HERC3: variants seen among roughly 807,000 people sequenced by gnomAD.
The protein encoded by HERC3 is probable E3 ubiquitin-protein ligase HERC3.
A neutral mutation model predicts 129.9 loss-of-function variants in HERC3; 58 were observed. The ratio of observed to expected loss-of-function variants is 0.45; its 90% CI spans 0.36 to 0.56. The LOEUF (loss-of-function observed/expected upper bound fraction) is 0.56, where lower values mean the gene tolerates loss of function less well. Ranked by LOEUF, HERC3 falls within the 20% of genes least tolerant of loss-of-function variation. The pLI is 0.00. For missense variants in HERC3, 835 were observed against 1,244.2 expected, an observed-to-expected ratio of 0.67 and a Z score of 4.95; for synonymous variants, 430 against 451.0, an observed-to-expected ratio of 0.95 and a Z score of 0.59.
At chr4:88,617,374 AAAAC>A (rs1482921219) in intron 3 of HERC3, among the ~76,000 whole-genome samples, 2 of 152,178 alleles carry the variant, frequency 1.3e-5, no homozygotes, top group African/African-American at 4.8e-5. Context: ...AACAACAACA[AAAAC>A]AAACAAAATC....
rs1729347372 is a variant in HERC3 at position 88,652,083 on chromosome 4, C to T, written c.458C>T (p.Ala153Val). The change falls in exon 5 of 26, where the codon GCG becomes GTG. Residue 153 changes from alanine (A) to valine (V), a missense_variant. Transcript: ENST00000402738. ...SCGNWHCLAL[A>V]ADGQFFTWGK... Reference sequence around the variant, plus strand: ...GGCAACTGGCATTGCTTGGCTCTTGCGGCTGGTAAAGTAACATTAAACATA... The same window carrying T: ...GGCAACTGGCATTGCTTGGCTCTTGTGGCTGGTAAAGTAACATTAAACATA... 4 of 1,607,964 alleles carry T rather than the reference C, an allele frequency of 2.5e-6. No homozygotes were observed. The highest frequency in any genetic ancestry group is 1.3e-5 in the African/African-American group (1 of 74,788).
the HERC3 span, among the ~76,000 whole-genome samples, chr4:88,537,516 T>C: frequency 1.3e-5 from 2 of 152,222 alleles, no homozygotes; most frequent in African/African-American, 4.8e-5. Context: ...GAATTATTAC[T>C]GGTTATGCTA....
intron 23 of HERC3, chr4:88,693,399 C>T (rs1244768612): frequency 4.1e-6 from 4 of 972,734 alleles, no homozygotes; most frequent in Non-Finnish European, 4.9e-6. Flanking sequence ...TCATTATCAC[C>T]ATTTCATCCA....
chr4:88,606,140 A>G, intron 3 of HERC3, 91 bp downstream of exon 3: 1 of 1,018,338 alleles, frequency 9.8e-7, no homozygotes, highest in Non-Finnish European at 1.4e-6. Flanking sequence ...TTCTCCACCA[A>G]GTGTTCGGTT....
chr4:88,647,137 G>C (rs559906510), intron 3 of HERC3, among the ~76,000 whole-genome samples: 1 of 152,264 alleles, frequency 6.6e-6, no homozygotes, highest in South Asian at 2.1e-4. Context: ...TGACGTGACT[G>C]GGAGTCAATG....
intron 16 of HERC3, among the ~76,000 whole-genome samples, chr4:88,675,289 G>A (rs2149308694): frequency 6.6e-6 from 1 of 152,202 alleles, no homozygotes; most frequent in East Asian, 1.9e-4. Flanking sequence ...GCATCCACAT[G>A]CCAAGACTGC....
the HERC3 span, among the ~76,000 whole-genome samples, chr4:88,533,516 A>G: frequency 5.2e-4 from 79 of 152,304 alleles, no homozygotes; most frequent in East Asian, 0.011. Flanking sequence ...GAGTAATTTG[A>G]TGCTACTCAT....
chr4:88,625,898 A>C (rs1726047357), intron 3 of HERC3, among the ~76,000 whole-genome samples: 1 of 152,096 alleles, frequency 6.6e-6, no homozygotes. Flanking sequence ...AACCTTTTGC[A>C]GTGATTGTGT....
In HERC3 at chr4:88,656,020, C is replaced by T. The variant is rs772474731; in HGVS notation, c.1054C>T (p.Leu352Phe). 6.2e-7 allele frequency: 1 copy of T among 1,614,026 alleles called. No homozygotes were observed. Among genetic ancestry groups the T allele is most frequent in the South Asian group, 1.1e-5 (1 of 91,066 alleles). Residue 352 changes from leucine (L) to phenylalanine (F), a missense_variant, in exon 9 of 26, where the codon CTT becomes TTT. Coordinates refer to ENST00000402738, the MANE Select transcript of HERC3 (RefSeq NM_014606.3). ...TTACTGGGCTGCCCACAGTGGCCAG[C>T]TTTCAGCCCGAGCTGGTAAGAATGA... ...KGYWAAHSGQ[L>F]SARADRFKYH...
intron 3 of HERC3, among the ~76,000 whole-genome samples, chr4:88,639,715 A>C (rs1727856724): frequency 6.6e-6 from 1 of 152,252 alleles, no homozygotes; most frequent in Admixed American, 6.5e-5. Context: ...AGCAATTGCA[A>C]CAAAAGCCAA....
the HERC3 span, among the ~76,000 whole-genome samples, chr4:88,545,430 C>CTTTTTTTTTTTTTTTTT: frequency 2.7e-5 from 3 of 110,432 alleles, no homozygotes; most frequent in African/African-American, 1.1e-4. Flanking sequence ...TTTGAGAATT[C>CTTTTTTTTTTTTTTTTT]TTTTTTTTTT....
the HERC3 span, among the ~76,000 whole-genome samples, chr4:88,530,165 C>T: frequency 6.6e-6 from 1 of 152,154 alleles, no homozygotes; most frequent in South Asian, 2.1e-4. Flanking sequence ...GTGGCAGTGC[C>T]TATAATCCCA....
chr4:88,616,976 C>T (rs1339805501), intron 3 of HERC3, among the ~76,000 whole-genome samples: 1 of 151,954 alleles, frequency 6.6e-6, no homozygotes, highest in Admixed American at 6.6e-5. Flanking sequence ...CATATATTCC[C>T]CAAGTGCTTT....
chr4:88,652,758 G>A, intron 5 of HERC3, 111 bp from the exon 6 acceptor site: 1 of 1,076,032 alleles, frequency 9.3e-7, no homozygotes. Flanking sequence ...CTTTGCTCTT[G>A]GGTGGGTTTG....
chr4:88,620,200 G>A (rs534679383), intron 3 of HERC3, among the ~76,000 whole-genome samples: 1 of 152,216 alleles, frequency 6.6e-6, no homozygotes, highest in South Asian at 2.1e-4. Context: ...TAAATATAAC[G>A]GGTCACAAGA....
chr4:88,524,839 T>G, the HERC3 span: 1 of 152,180 alleles, frequency 6.6e-6, no homozygotes, highest in African/African-American at 2.4e-5. Context: ...AATATCAACC[T>G]GAACTTTTTT....
intron 14 of HERC3, chr4:88,668,714 T>C (rs2149299253): frequency 6.5e-6 from 1 of 153,104 alleles, no homozygotes; most frequent in South Asian, 2.1e-4. Flanking sequence ...TGGTAAATTT[T>C]GTTAGGTGTC....
chr4:88,632,738 AAAACAAATGAAC>A (rs1726913162), intron 3 of HERC3, among the ~76,000 whole-genome samples: 1 of 152,218 alleles, frequency 6.6e-6, no homozygotes, highest in Non-Finnish European at 1.5e-5. Flanking sequence ...TAAAGATGGG[AAAACAAATGAAC>A]AGAGTTTCAG....
At chr4:88,564,101 GT>G in the HERC3 span, among the ~76,000 whole-genome samples, 1 of 152,184 alleles carries the variant, frequency 6.6e-6, no homozygotes, top group Non-Finnish European at 1.5e-5. Context: ...GGATTGATTT[GT>G]GTATGTAGAA....
Sources: allele counts gnomAD v4.1 joint callset (sites outside exome capture counted in the v4.1 genomes callset), GRCh38; gene constraint gnomAD v4.1.1; transcripts MANE v1.5; gene names NCBI Gene and HGNC (gene_info 2026-07-23, HGNC 2026-07-21).